Variants in MFAP3L observed in about 807,000 individuals in gnomAD.
MFAP3L encodes microfibril associated protein 3 like.
A neutral mutation model predicts 20.0 loss-of-function variants in MFAP3L; 5 were observed. The ratio of observed to expected loss-of-function variants is 0.25; its 90% confidence interval spans 0.13 to 0.53. The LOEUF (loss-of-function observed/expected upper bound fraction) is 0.53. Among genes scored for constraint, MFAP3L ranks in the 20% least tolerant of loss-of-function variants. MFAP3L has a pLI of 0.96. For synonymous variants in MFAP3L, 219 were observed against 213.0 expected, an observed-to-expected ratio of 1.03 and a Z score of -0.25; for missense variants, 409 against 527.5, an observed-to-expected ratio of 0.78 and a Z score of 2.20.
chr4:169,997,785 GCCT>G, intron 2 of MFAP3L: 14 of 977,470 alleles, frequency 1.4e-5, no homozygotes, highest in Non-Finnish European at 1.4e-5. Flanking sequence ...GCCCAGCTCG[GCCT>G]CCTTTCATTA....
chr4:170,009,780 G>A (rs1381206568), intron 1 of MFAP3L, among the ~76,000 whole-genome samples: 4 of 152,156 alleles, frequency 2.6e-5, no homozygotes, highest in African/African-American at 9.7e-5. Context: ...GCTTTGTTCA[G>A]TCCTATTTCT....
At chr4:170,017,667 A>G (rs1301446027) in intron 1 of MFAP3L, among the ~76,000 whole-genome samples, 7 of 152,166 alleles carry the variant, frequency 4.6e-5, no homozygotes, top group Admixed American at 3.9e-4. Context: ...TAAAAGCAAT[A>G]TTTTTCAGAA....
intron 1 of MFAP3L, among the ~76,000 whole-genome samples, chr4:170,025,863 A>C (rs888237169): frequency 1.3e-5 from 2 of 152,140 alleles, no homozygotes. Context: ...GCGATGAGAG[A>C]GATCCAGAGC....
At chr4:170,000,073 C>G (rs1336683996) in intron 2 of MFAP3L, among the ~76,000 whole-genome samples, 1 of 152,194 alleles carries the variant, frequency 6.6e-6, no homozygotes, top group Non-Finnish European at 1.5e-5. Flanking sequence ...CAGCTGAGAA[C>G]CACGGGGTTA....
upstream of MFAP3L, among the ~76,000 whole-genome samples, chr4:170,026,693 G>A (rs976308020): frequency 5.9e-5 from 9 of 152,180 alleles, no homozygotes; most frequent in Non-Finnish European, 7.4e-5. Context: ...CAGGGCCTCC[G>A]CGGCAGCGCG....
In MFAP3L at chr4:169,987,904, T is replaced by C. The variant is rs529087828; in HGVS notation, c.*3474A>G. On this transcript the variant is annotated 3_prime_UTR_variant, in exon 3 of 3. Transcript: ENST00000361618. ...CCTTCAAAACAAAGTTTCGACAACA[T>C]AGACTGGTGCAATTAAAAATGAAAC... 6.6e-6 allele frequency: 1 copy of C among 152,288 alleles called. No homozygotes were observed. The highest frequency in any genetic ancestry group is 2.4e-5 in the African/African-American group (1 of 41,562). The allele number at this position is 152,288 out of a possible 1,614,324, so 9.4% of individuals were successfully genotyped here.
At chr4:170,020,958 G>C (rs1739999972) in intron 1 of MFAP3L, among the ~76,000 whole-genome samples, 1 of 152,066 alleles carries the variant, frequency 6.6e-6, no homozygotes, top group African/African-American at 2.4e-5. Context: ...ATGAATTAAT[G>C]AATGGATGGA....
intron 1 of MFAP3L, among the ~76,000 whole-genome samples, chr4:170,009,718 C>G (rs538088373): frequency 6.6e-6 from 1 of 152,040 alleles, no homozygotes; most frequent in Admixed American, 6.6e-5. Context: ...TTATTTTGAC[C>G]CCTTCCCTAC....
At chr4:170,018,550 A>G (rs1249097085) in intron 1 of MFAP3L, among the ~76,000 whole-genome samples, 1 of 151,370 alleles carries the variant, frequency 6.6e-6, no homozygotes, top group Admixed American at 6.6e-5. Flanking sequence ...TCCAAAGGCA[A>G]GAAGACATCA....
chr4:169,991,206 G>T lies in MFAP3L; in HGVS notation c.*172C>A. On this transcript the variant is annotated 3_prime_UTR_variant, in exon 3 of 3. Transcript: ENST00000361618. The surrounding 1 kb of genome is among the most constrained non-coding windows in gnomAD (Gnocchi z 4.9). ...GTTTCTCGCACCCTTCTCTACTGGG[G>T]AAATTCCAGTCCCATTCACTGCAGG... 1.5e-6 allele frequency: 1 copy of T among 670,272 alleles called. No individual in the cohort carries two copies. 41.5% of individuals were successfully genotyped at this position (670,272 alleles called of 1,614,324 possible).
chr4:170,019,920 ACTTT>A (rs1251676361), intron 1 of MFAP3L, among the ~76,000 whole-genome samples: 1 of 152,162 alleles, frequency 6.6e-6, no homozygotes, highest in East Asian at 1.9e-4. Flanking sequence ...ACCCACAACA[ACTTT>A]CTTTCAGTCT....
At chr4:169,994,110 A>C in intron 2 of MFAP3L, 1 of 934,578 alleles carries the variant, frequency 1.1e-6, no homozygotes, top group Non-Finnish European at 1.3e-6. Flanking sequence ...AACAGAACAA[A>C]AGTCTAACTG....
At chr4:170,003,195 A>C (rs1738793578) in intron 2 of MFAP3L, among the ~76,000 whole-genome samples, 1 of 152,160 alleles carries the variant, frequency 6.6e-6, no homozygotes, top group African/African-American at 2.4e-5. Context: ...TCTTTTTAAA[A>C]CTTGAAAGTT....
rs1730400822 is a variant in MFAP3L at position 170,026,251 on chromosome 4, C to A, written c.-151G>T. ...CCGCTAACCTGACACCGCCGCGCCA[C>A]TCAGGTGGCCGCCGTGCACCCCTCG... On this transcript the variant is annotated 5_prime_UTR_variant, in exon 1 of 3. Transcript: ENST00000361618. 1.0e-6 allele frequency: 1 copy of A among 984,656 alleles called. No individual in the cohort carries two copies. Among genetic ancestry groups the A allele is most frequent in the Non-Finnish European group, 1.2e-6 (1 of 829,726 alleles). The allele number at this position is 984,656 out of a possible 1,614,324, so 61.0% of individuals were successfully genotyped here. A position where few individuals can be genotyped will look rare whatever the true frequency, so the allele number is the denominator to read the frequency against.
In MFAP3L at chr4:169,988,198, T is replaced by C. The variant is rs1396178067; in HGVS notation, c.*3180A>G. On this transcript the variant is annotated 3_prime_UTR_variant, in exon 3 of 3. Transcript: ENST00000361618. ...TATTAGTATTTCTTTTTGCTAAGTA[T>C]GGTATACAAAAAGATGAGGATAGAT... 1 of 152,156 alleles carries C rather than the reference T, an allele frequency of 6.6e-6. No individual in the cohort carries two copies. Among genetic ancestry groups the C allele is most frequent in the Non-Finnish European group, 1.5e-5 (1 of 68,022 alleles). 9.4% of individuals were successfully genotyped at this position (152,156 alleles called of 1,614,324 possible).
intron 1 of MFAP3L, among the ~76,000 whole-genome samples, chr4:170,021,385 A>G (rs980937634): frequency 6.6e-6 from 1 of 152,240 alleles, no homozygotes; most frequent in Non-Finnish European, 1.5e-5. Context: ...AATGGTTTAC[A>G]CTGACCTAGT....
intron 1 of MFAP3L, chr4:170,006,511 C>T (rs1581493994): frequency 6.6e-6 from 1 of 152,192 alleles, no homozygotes; most frequent in Admixed American, 6.5e-5. Flanking sequence ...GCTATCAAAA[C>T]ATATAGATTT....
chr4:170,014,011 C>T (rs1010873791), intron 1 of MFAP3L, among the ~76,000 whole-genome samples: 31 of 152,300 alleles, frequency 2.0e-4, no homozygotes, highest in South Asian at 1.7e-3. Flanking sequence ...ATCCCTAAAA[C>T]GGATCACAAT....
At chr4:170,009,240 G>A (rs775996367) in intron 1 of MFAP3L, among the ~76,000 whole-genome samples, 27 of 151,872 alleles carry the variant, frequency 1.8e-4, no homozygotes, top group African/African-American at 1.7e-4. Flanking sequence ...AAAATTAGCC[G>A]GGCGTGGTGG....
Sources: gnomAD v4.1 joint callset for allele counts (sites outside exome capture counted in the v4.1 genomes callset) on GRCh38, gnomAD v4.1.1 for gene constraint, Gnocchi (gnomAD v3.1) non-coding constraint, MANE v1.5 for transcripts, NCBI Gene and HGNC (gene_info 2026-07-23, HGNC 2026-07-21) for gene names.